WDR49: variants seen among roughly 807,000 people sequenced by gnomAD.
The protein encoded by WDR49 is WD repeat domain 49, also known as cilia- and flagella-associated protein 337.
WDR49 carries 107 observed loss-of-function variants against 119.5 expected under a neutral mutation model. That is an observed-to-expected ratio of 0.90 (90% CI 0.77 to 1.05). The LOEUF (loss-of-function observed/expected upper bound fraction) is 1.05. Ranked by LOEUF, WDR49 falls within the 50% of genes least tolerant of loss-of-function variation. The pLI is 0.00. For missense variants in WDR49, 1,240 were observed against 1,220.5 expected (o/e 1.02, Z -0.24); for synonymous variants, 425 against 418.8 (o/e 1.01, Z -0.18).
chr3:167,620,625 A>T, intron 4 of WDR49, 22 bp from the exon 5 acceptor site: 2 of 1,518,742 alleles, frequency 1.3e-6, no homozygotes, highest in Non-Finnish European at 1.8e-6. Context: ...CATTGAAAGA[A>T]CAACAATCGT....
chr3:167,592,750 T>C (rs1715208005), intron 7 of WDR49, among the ~76,000 whole-genome samples: 1 of 152,136 alleles, frequency 6.6e-6, no homozygotes, highest in Admixed American at 6.6e-5. Flanking sequence ...TTCTTATTGC[T>C]AATTAACATT....
intron 18 of WDR49, among the ~76,000 whole-genome samples, chr3:167,483,699 C>A (rs1425117992): frequency 2.6e-5 from 4 of 151,988 alleles, no homozygotes; most frequent in African/African-American, 9.7e-5. Flanking sequence ...GTCCTTTTCT[C>A]CTGAGATCTC....
chr3:167,639,203 T>C, intron 2 of WDR49, among the ~76,000 whole-genome samples: 1 of 151,722 alleles, frequency 6.6e-6, no homozygotes, highest in Non-Finnish European at 1.5e-5. Flanking sequence ...GCAATACAAA[T>C]ATATACTTTT....
intron 7 of WDR49, among the ~76,000 whole-genome samples, chr3:167,598,759 A>C (rs1311118784): frequency 6.6e-6 from 1 of 152,230 alleles, no homozygotes; most frequent in Admixed American, 6.5e-5. Context: ...GATATTTGAA[A>C]GGAATTGAGT....
At chr3:167,582,300 T>C (rs1445755288) in intron 7 of WDR49, among the ~76,000 whole-genome samples, 1 of 152,180 alleles carries the variant, frequency 6.6e-6, no homozygotes, top group Non-Finnish European at 1.5e-5. Context: ...TGACATGATG[T>C]ATGCTAGCAG....
In WDR49 at chr3:167,528,468, G is replaced by T. The variant is rs142217811; in HGVS notation, c.2407-451C>A. Among the ~76,000 whole-genome samples the T allele has an allele frequency of 1.9e-3, 289 of 151,894 alleles. 1 individual carries two copies. Among genetic ancestry groups the T allele is most frequent in the Non-Finnish European group, 3.4e-3 (229 of 67,920 alleles). ...AAATTACATTTACAATCTCATTGCA[G>T]ATAAGGTGTAGCCTCACCCCAGGCA... is the stretch of plus-strand genomic sequence containing the variant. On this transcript the variant is annotated intron_variant, in intron 14 of 18. Coordinates refer to ENST00000682715, the MANE Select transcript of WDR49 (RefSeq NM_001366157.1).
In WDR49 at chr3:167,505,306, CTGAA is replaced by C. The variant is rs751964327; in HGVS notation, c.2881_2884del (p.Phe961ValfsTer6). 9 of 1,500,288 alleles carry C rather than the reference CTGAA, an allele frequency of 6.0e-6. No individual in the cohort carries two copies. In the African/African-American group the frequency reaches 1.1e-4, roughly 19 times the overall value. The allele number at this position is 1,500,288 out of a possible 1,614,324, so 92.9% of individuals were successfully genotyped here. A position where few individuals can be genotyped will look rare whatever the true frequency, so the allele number is the denominator to read the frequency against. On this transcript the variant is annotated frameshift_variant and splice_region_variant, in exon 17 of 19. Coordinates refer to ENST00000682715, the MANE Select transcript of WDR49 (RefSeq NM_001366157.1). LOFTEE classifies it high-confidence loss of function. ...ATACATTAACAACAGTGACTACTTA[CTGAA>C]TGATTTTTTTATAACTTCACCATAA...
In WDR49 at chr3:167,505,237, T is replaced by C. The variant is rs116233864; in HGVS notation, c.2884+70A>G. ...ATAGGAACATTCCTGACACACAGAGTAGACATTTGTATTCACACTAATCTG... is the reference window on the plus strand; with the variant it reads ...ATAGGAACATTCCTGACACACAGAGCAGACATTTGTATTCACACTAATCTG... On this transcript the variant is annotated intron_variant, in intron 17 of 18. Transcript: ENST00000682715. The C allele has an allele frequency of 4.1e-4, 542 of 1,312,976 alleles. 4 individuals carry two copies. The African/African-American group carries it at 7.7e-3, about 19-fold the overall frequency. 81.3% of individuals were successfully genotyped at this position (1,312,976 alleles called of 1,614,324 possible).
chr3:167,479,893 G>A (rs1382053844), intron 18 of WDR49, among the ~76,000 whole-genome samples: 1 of 151,944 alleles, frequency 6.6e-6, no homozygotes, highest in Admixed American at 6.6e-5. Flanking sequence ...AATTGGCAAG[G>A]GTTGGATAGG....
rs138809277 is a variant in WDR49 at position 167,646,966 on chromosome 3, T to A, written c.165+6295A>T. 2.1e-3 allele frequency among the ~76,000 whole-genome samples: 316 copies of A among 152,212 alleles called. 1 individual carries two copies. Among genetic ancestry groups the A allele is most frequent in the Non-Finnish European group, 3.6e-3 (247 of 68,000 alleles). Reference sequence around the variant, plus strand: ...CGGTCAGAAATCACTAAGGGACAGTTTAGAGGATTCCTATTTCTAGCAATA... The same window carrying A: ...CGGTCAGAAATCACTAAGGGACAGTATAGAGGATTCCTATTTCTAGCAATA... On this transcript the variant is annotated intron_variant, in intron 2 of 18. Coordinates refer to ENST00000682715, the MANE Select transcript of WDR49 (RefSeq NM_001366157.1).
chr3:167,590,810 AAAGTTAGTCTGGCT>A (rs1015600834), intron 7 of WDR49, among the ~76,000 whole-genome samples: 5 of 151,824 alleles, frequency 3.3e-5, no homozygotes, highest in Admixed American at 1.3e-4. Flanking sequence ...TTCTGGCTAG[AAAGTTAGTCTGGCT>A]AAGTTAGTCT....
chr3:167,576,152 C>T lies in WDR49; in HGVS notation c.1276-1G>A, dbSNP rs543105674. On this transcript the variant is annotated splice_acceptor_variant, in intron 7 of 18. Coordinates refer to ENST00000682715, the MANE Select transcript of WDR49 (RefSeq NM_001366157.1). LOFTEE classifies it high-confidence loss of function. ...GTTGAATATCCCAGAGTCTCAAAAC[C>T]TGGATGAAAAGTGATAAAATCATTT... 6.2e-7 allele frequency: 1 copy of T among 1,612,314 alleles called. No individual in the cohort carries two copies. Among genetic ancestry groups the T allele is most frequent in the East Asian group, 2.2e-5 (1 of 44,836 alleles).
intron 5 of WDR49, among the ~76,000 whole-genome samples, chr3:167,618,432 C>T (rs1182522851): frequency 6.6e-6 from 1 of 152,110 alleles, no homozygotes; most frequent in African/African-American, 2.4e-5. Context: ...GATTGACACT[C>T]AAGTCCATAA....
At chr3:167,563,034 C>T (rs1172204837) in intron 8 of WDR49, among the ~76,000 whole-genome samples, 1 of 152,180 alleles carries the variant, frequency 6.6e-6, no homozygotes, top group East Asian at 1.9e-4. Context: ...TTGCTTTCCT[C>T]CAACTATGAC....
At chr3:167,572,234 G>C (rs1383464244) in intron 8 of WDR49, among the ~76,000 whole-genome samples, 5 of 152,162 alleles carry the variant, frequency 3.3e-5, no homozygotes, top group Non-Finnish European at 7.3e-5. Context: ...ACTTTGCCAG[G>C]TGAAATAAAG....
chr3:167,581,342 C>T (rs1163618984), intron 7 of WDR49, among the ~76,000 whole-genome samples: 2 of 152,120 alleles, frequency 1.3e-5, no homozygotes, highest in Admixed American at 6.6e-5. Flanking sequence ...TCCTAGTTTT[C>T]ATCCTAGGCA....
intron 2 of WDR49, among the ~76,000 whole-genome samples, chr3:167,631,885 A>C (rs1480692464): frequency 1.3e-5 from 2 of 152,140 alleles, no homozygotes; most frequent in Non-Finnish European, 2.9e-5. Flanking sequence ...TAGTCCGGGC[A>C]CTTAACTAAT....
intron 3 of WDR49, among the ~76,000 whole-genome samples, chr3:167,624,353 A>G (rs962151649): frequency 2.6e-5 from 4 of 151,766 alleles, no homozygotes; most frequent in Non-Finnish European, 5.9e-5. Context: ...GGTAAAAAAA[A>G]AAAGAAAAGA....
intron 16 of WDR49, among the ~76,000 whole-genome samples, chr3:167,521,842 T>C (rs1437481959): frequency 6.6e-6 from 1 of 152,044 alleles, no homozygotes; most frequent in Admixed American, 6.6e-5. Flanking sequence ...CTGAGCAACA[T>C]AGAGAGACGA....
Sources: allele counts gnomAD v4.1 joint callset (sites outside exome capture counted in the v4.1 genomes callset), GRCh38; gene constraint gnomAD v4.1.1; transcripts MANE v1.5; gene names NCBI Gene and HGNC (gene_info 2026-07-23, HGNC 2026-07-21).